CSMD1: variants seen among roughly 807,000 people sequenced by gnomAD.
CSMD1 encodes CUB and sushi domain-containing protein 1.
CSMD1 carries 213 observed loss-of-function variants against 417.5 expected under a neutral mutation model. The ratio of observed to expected loss-of-function variants is 0.51; its 90% CI spans 0.46 to 0.57. The LOEUF (loss-of-function observed/expected upper bound fraction) is 0.57, where lower values mean the gene tolerates loss of function less well. Among genes scored for constraint, CSMD1 ranks in the 20% least tolerant of loss-of-function variants. The pLI is 0.00. For synonymous variants in CSMD1, 2,862 were observed against 1,736.8 expected (o/e 1.65, Z -16.11); for missense variants, 6,923 against 4,529.7 (o/e 1.53, Z -15.17).
intron 3 of CSMD1, among the ~76,000 whole-genome samples, chr8:4,204,328 A>T (rs981954998): frequency 1.3e-5 from 2 of 151,892 alleles, no homozygotes; most frequent in African/African-American, 2.4e-5. Context: ...ATAGTTTTTT[A>T]AAAATGTCCT....
Position 4,214,045 on chromosome 8 carries a change from G to A in CSMD1, c.416-181946C>T, listed in dbSNP as rs566538886. ...AGTAACAATGGACAAAAAGGAAAAT[G>A]CAAAATGATCAATAAATATCTGACC... On this transcript the variant is annotated intron_variant, in intron 3 of 69. Transcript: ENST00000635120. Among the ~76,000 whole-genome samples the A allele has an allele frequency of 3.5e-4, 54 of 152,266 alleles. No individual in the cohort carries two copies. In the South Asian group the frequency reaches 0.011, roughly 31 times the overall value.
chr8:3,348,917 C>T (rs1306248943), intron 21 of CSMD1, among the ~76,000 whole-genome samples: 1 of 152,122 alleles, frequency 6.6e-6, no homozygotes, highest in Non-Finnish European at 1.5e-5. Context: ...CAGTTTAGGT[C>T]AAGAATGCTT....
At chr8:4,117,458 T>C (rs561367330) in intron 3 of CSMD1, among the ~76,000 whole-genome samples, 2 of 152,270 alleles carry the variant, frequency 1.3e-5, no homozygotes, top group Admixed American at 6.5e-5. Context: ...TTCAGGGTTA[T>C]GATCGTCTTA....
chr8:4,805,563 T>C (rs1347912714), intron 1 of CSMD1, among the ~76,000 whole-genome samples: 1 of 152,154 alleles, frequency 6.6e-6, no homozygotes, highest in Non-Finnish European at 1.5e-5. Context: ...TCACTTGCTC[T>C]AAATGTGAAA....
chr8:4,598,930 A>C (rs1311147087), intron 2 of CSMD1, among the ~76,000 whole-genome samples: 1 of 152,148 alleles, frequency 6.6e-6, no homozygotes, highest in East Asian at 1.9e-4. Context: ...AAAAACAATA[A>C]TTTCAGTTGT....
rs540134771 is a variant in CSMD1, at chr8:3,665,704, G to A, written c.1009+42710C>T. Reference sequence around the variant, plus strand: ...AAAACTCAGGAAATGTGAAACCATCGCTACATATCTTATCTCAAATGAATT... The same window carrying A: ...AAAACTCAGGAAATGTGAAACCATCACTACATATCTTATCTCAAATGAATT... On this transcript the variant is annotated intron_variant, in intron 7 of 69. Transcript: ENST00000635120. Among the ~76,000 whole-genome samples the A allele has an allele frequency of 4.6e-5, 7 of 152,152 alleles. No individual in the cohort carries two copies. The South Asian group carries it at 6.2e-4, about 14-fold the overall frequency.
intron 10 of CSMD1, among the ~76,000 whole-genome samples, chr8:3,514,527 A>T (rs1797207834): frequency 6.6e-6 from 1 of 152,254 alleles, no homozygotes; most frequent in African/African-American, 2.4e-5. Context: ...ATCACTTAAA[A>T]GTAATGTTTC....
At chr8:4,871,492 C>T (rs190973124) in intron 1 of CSMD1, among the ~76,000 whole-genome samples, 16 of 152,198 alleles carry the variant, frequency 1.1e-4, no homozygotes, top group East Asian at 9.7e-4. Flanking sequence ...GTTGACCCAA[C>T]GCCCGTGTAT....
intron 3 of CSMD1, among the ~76,000 whole-genome samples, chr8:4,291,090 T>C (rs1169050460): frequency 6.6e-6 from 1 of 152,182 alleles, no homozygotes; most frequent in Non-Finnish European, 1.5e-5. Context: ...TTATTTTGTG[T>C]AATACAAACA....
intron 56 of CSMD1, among the ~76,000 whole-genome samples, chr8:2,974,228 C>A (rs922434453): frequency 6.6e-6 from 1 of 152,182 alleles, no homozygotes; most frequent in Non-Finnish European, 1.5e-5. Flanking sequence ...CTCCTGAGAA[C>A]CCCGGAGGAG....
At chr8:4,849,407 T>C (rs1761590646) in intron 1 of CSMD1, among the ~76,000 whole-genome samples, 1 of 152,030 alleles carries the variant, frequency 6.6e-6, no homozygotes, top group Non-Finnish European at 1.5e-5. Flanking sequence ...AAAAAAATAC[T>C]TTTTGTAAGT....
chr8:3,749,090 G>A (rs150332705), intron 6 of CSMD1, among the ~76,000 whole-genome samples: 2,062 of 152,244 alleles, frequency 0.014, 20 homozygotes, highest in South Asian at 0.027. Context: ...GGGCCCTCAT[G>A]GTTCAAGATT....
intron 6 of CSMD1, among the ~76,000 whole-genome samples, chr8:3,709,737 T>G (rs1801399804): frequency 7.6e-6 from 1 of 131,738 alleles, no homozygotes; most frequent in Non-Finnish European, 1.6e-5. Flanking sequence ...TGACTGGAGC[T>G]AAAACACCGG....
At chr8:3,963,677 G>C (rs1242752456) in intron 5 of CSMD1, among the ~76,000 whole-genome samples, 1 of 152,150 alleles carries the variant, frequency 6.6e-6, no homozygotes, top group Non-Finnish European at 1.5e-5. Context: ...TTGTATGTGT[G>C]TAAGTGAATA....
chr8:4,622,677 T>C (rs544404062), intron 2 of CSMD1, among the ~76,000 whole-genome samples: 110 of 152,262 alleles, frequency 7.2e-4, no homozygotes, highest in African/African-American at 2.6e-3. Context: ...ACAAAAGACA[T>C]TGTGGATGAT....
At chr8:3,201,369 A>G (rs140379090) in intron 32 of CSMD1, among the ~76,000 whole-genome samples, 4 of 152,296 alleles carry the variant, frequency 2.6e-5, no homozygotes, top group East Asian at 3.9e-4. Context: ...TGCACCTTTT[A>G]CTGAGATAAA....
At chr8:3,213,691 G>A (rs551680621) in intron 30 of CSMD1, among the ~76,000 whole-genome samples, 1 of 149,710 alleles carries the variant, frequency 6.7e-6, no homozygotes, top group South Asian at 2.1e-4. Context: ...GTGTGTGTAT[G>A]TATATATATA....
intron 2 of CSMD1, among the ~76,000 whole-genome samples, chr8:4,436,350 G>T (rs989645512): frequency 6.6e-6 from 1 of 151,968 alleles, no homozygotes; most frequent in African/African-American, 2.4e-5. Flanking sequence ...TCCTTCTTGT[G>T]GAGATTAATT....
intron 2 of CSMD1, among the ~76,000 whole-genome samples, chr8:4,585,846 T>C (rs1049096715): frequency 7.9e-5 from 12 of 152,082 alleles, no homozygotes; most frequent in Non-Finnish European, 1.6e-4. Flanking sequence ...CGAATAAAAA[T>C]TATATTAGAT....
Sources: allele counts gnomAD v4.1 joint callset (sites outside exome capture counted in the v4.1 genomes callset), GRCh38; gene constraint gnomAD v4.1.1; transcripts MANE v1.5; gene names NCBI Gene and HGNC (gene_info 2026-07-23, HGNC 2026-07-21).